CMSS1: variants seen among roughly 807,000 people sequenced by gnomAD.
CMSS1 encodes protein CMSS1.
Under a neutral mutation model 43.5 loss-of-function variants are expected in CMSS1, and 33 were observed. That is an observed-to-expected ratio of 0.76 (90% CI 0.57 to 1.01). The LOEUF is 1.01. Among genes scored for constraint, CMSS1 ranks in the 50% least tolerant of loss-of-function variants. CMSS1 has a pLI of 0.00. For synonymous variants in CMSS1, 115 were observed against 117.2 expected (o/e 0.98, Z 0.12); for missense variants, 313 against 326.4 (o/e 0.96, Z 0.32).
intron 1 of CMSS1, among the ~76,000 whole-genome samples, chr3:99,954,748 C>T (rs1708271086): frequency 6.6e-6 from 1 of 151,996 alleles, no homozygotes. Flanking sequence ...ATCGCTTGAA[C>T]CCGGGAGGTG....
chr3:100,111,904 C>T (rs1255550184), intron 1 of CMSS1, among the ~76,000 whole-genome samples: 3 of 152,146 alleles, frequency 2.0e-5, no homozygotes, highest in Non-Finnish European at 4.4e-5. Context: ...CTATGTTGAA[C>T]AACATGCACA....
intron 1 of CMSS1, among the ~76,000 whole-genome samples, chr3:99,993,672 G>A (rs1709589353): frequency 1.3e-5 from 2 of 152,010 alleles, no homozygotes; most frequent in Admixed American, 1.3e-4. Flanking sequence ...GTTTGTTGAG[G>A]ATTTTTATCA....
chr3:99,974,445 C>T (rs1354684288), intron 1 of CMSS1, among the ~76,000 whole-genome samples: 3 of 152,172 alleles, frequency 2.0e-5, no homozygotes. Context: ...CGCAGTGGCT[C>T]ACGCCTGTAA....
chr3:99,973,686 A>G (rs569764446), intron 1 of CMSS1, among the ~76,000 whole-genome samples: 11 of 152,220 alleles, frequency 7.2e-5, no homozygotes, highest in Non-Finnish European at 2.9e-5. Context: ...CACACTTCAA[A>G]CTTGATGAAA....
At chr3:99,885,723 A>G (rs972413835) in intron 1 of CMSS1, among the ~76,000 whole-genome samples, 9 of 152,278 alleles carry the variant, frequency 5.9e-5, no homozygotes, top group Admixed American at 3.3e-4. Flanking sequence ...TGTGGAACAG[A>G]TATCTTTCTC....
chr3:100,001,330 G>A (rs114332154), intron 1 of CMSS1, among the ~76,000 whole-genome samples: 2,399 of 152,202 alleles, frequency 0.016, 58 homozygotes, highest in African/African-American at 0.054. Context: ...TTTCTGTGAC[G>A]CAGTGTCAGA....
chr3:99,845,191 T>C (rs1943306656), intron 1 of CMSS1, among the ~76,000 whole-genome samples: 2 of 149,906 alleles, frequency 1.3e-5, no homozygotes, highest in East Asian at 1.9e-4. Flanking sequence ...CACAATGTCC[T>C]TCTAGTAAGG....
chr3:99,845,693 G>A (rs759328766), intron 1 of CMSS1, among the ~76,000 whole-genome samples: 1 of 152,152 alleles, frequency 6.6e-6, no homozygotes, highest in Non-Finnish European at 1.5e-5. Context: ...TCTACATTGT[G>A]TCATTTTAGG....
At chr3:99,991,041 G>T (rs1402914852) in intron 1 of CMSS1, among the ~76,000 whole-genome samples, 1 of 152,118 alleles carries the variant, frequency 6.6e-6, no homozygotes, top group Non-Finnish European at 1.5e-5. Context: ...CCATAATCTG[G>T]TCCATGAGTT....
At chr3:99,902,339 G>A (rs1312013227) in intron 1 of CMSS1, among the ~76,000 whole-genome samples, 1 of 152,160 alleles carries the variant, frequency 6.6e-6, no homozygotes, top group African/African-American at 2.4e-5. Context: ...GATATCTGTT[G>A]AATTGAACTG....
At position 99,849,441 on chromosome 3, in the gene CMSS1, G is replaced by A. The variant is rs13353487; in HGVS notation, c.64+31398G>A. The A allele has an allele frequency of 8.9e-4, 1,433 of 1,613,906 alleles. 10 individuals are homozygous for A. The African/African-American group carries it at 0.017, about 19-fold the overall frequency. On this transcript the variant is annotated intron_variant, in intron 1 of 9. Coordinates refer to ENST00000421999, the MANE Select transcript of CMSS1 (RefSeq NM_032359.4). ...CTTGTTGATTTAGTTTTTTTTGCAGGACTGAGTGATCTCCCTGGAGGTGAC... is the reference window on the plus strand; with the variant it reads ...CTTGTTGATTTAGTTTTTTTTGCAGAACTGAGTGATCTCCCTGGAGGTGAC...
chr3:99,823,882 TC>T (rs1942488011), intron 1 of CMSS1, among the ~76,000 whole-genome samples: 1 of 151,978 alleles, frequency 6.6e-6, no homozygotes, highest in African/African-American at 2.4e-5. Context: ...GCTGTTCTTT[TC>T]CTTTCTGTCC....
At chr3:99,936,192 G>T (rs1707660808) in intron 1 of CMSS1, among the ~76,000 whole-genome samples, 1 of 151,556 alleles carries the variant, frequency 6.6e-6, no homozygotes, top group Admixed American at 6.6e-5. Context: ...TTTTGGTCTT[G>T]GTCATTTAAT....
intron 1 of CMSS1, among the ~76,000 whole-genome samples, chr3:99,900,976 G>A (rs888271899): frequency 6.6e-6 from 1 of 152,250 alleles, no homozygotes; most frequent in African/African-American, 2.4e-5. Context: ...GAATCCAGGA[G>A]TTGAAACTCA....
intron 9 of CMSS1, among the ~76,000 whole-genome samples, chr3:100,177,125 T>C (rs2067154064): frequency 6.6e-6 from 1 of 152,168 alleles, no homozygotes; most frequent in Non-Finnish European, 1.5e-5. Context: ...GCAGTAACTA[T>C]CAAAGAGGCT....
At chr3:99,849,770 T>C (rs1208052474) in intron 1 of CMSS1, 3 of 1,613,814 alleles carry the variant, frequency 1.9e-6, no homozygotes, top group Non-Finnish European at 2.5e-6. Flanking sequence ...AGCTTCAGTT[T>C]CAGTCTTTCC....
chr3:100,032,894 T>G (rs1035189933), intron 1 of CMSS1, among the ~76,000 whole-genome samples: 1 of 152,148 alleles, frequency 6.6e-6, no homozygotes, highest in African/African-American at 2.4e-5. Context: ...ATTACATTTA[T>G]TCCCTGCAAC....
At chr3:100,021,006 C>T (rs2064804917) in intron 1 of CMSS1, among the ~76,000 whole-genome samples, 1 of 152,128 alleles carries the variant, frequency 6.6e-6, no homozygotes, top group Non-Finnish European at 1.5e-5. Flanking sequence ...ACCTTGTGAT[C>T]TGCCCGCCTT....
At chr3:99,884,414 G>T (rs1478953272) in intron 1 of CMSS1, among the ~76,000 whole-genome samples, 1 of 152,136 alleles carries the variant, frequency 6.6e-6, no homozygotes, top group Non-Finnish European at 1.5e-5. Context: ...TATCTTGTTA[G>T]ATTATGACAT....
Sources: gnomAD v4.1 joint callset for allele counts (sites outside exome capture counted in the v4.1 genomes callset) on GRCh38, gnomAD v4.1.1 for gene constraint, MANE v1.5 for transcripts, NCBI Gene and HGNC (gene_info 2026-07-23, HGNC 2026-07-21) for gene names.